The following EIF2S3 variants were observed in gnomAD, a reference collection of about 807,000 sequenced individuals.
EIF2S3 encodes the protein eukaryotic translation initiation factor 2 subunit gamma.
A neutral mutation model predicts 31.7 loss-of-function variants in EIF2S3; 2 were observed. The ratio of observed to expected loss-of-function variants is 0.06; its 90% CI spans 0.03 to 0.20. The LOEUF (loss-of-function observed/expected upper bound fraction) is 0.20, where lower values mean the gene tolerates loss of function less well. Among genes scored for constraint, EIF2S3 ranks in the 10% least tolerant of loss-of-function variants. EIF2S3 has a pLI of 1.00. For synonymous variants in EIF2S3, 120 were observed against 126.7 expected (o/e 0.95, Z 0.36); for missense variants, 96 against 359.3 (o/e 0.27, Z 5.92).
chrX:24,072,688 T>C (rs375350841), intron 10 of EIF2S3, among the ~76,000 whole-genome samples: 3 of 110,759 alleles, frequency 2.7e-5, no homozygotes, highest in South Asian at 3.8e-4. Context: ...TGCTTTTTTT[T>C]CCCCCCACTC....
At chrX:24,073,361 TGGC>T in intron 11 of EIF2S3, 98 bp downstream of exon 11, 2 of 1,024,296 alleles carry the variant, frequency 2.0e-6, no homozygotes. Flanking sequence ...ACAGTTACTG[TGGC>T]TTTCAGTCTC....
intron 7 of EIF2S3, among the ~76,000 whole-genome samples, chrX:24,065,597 G>C (rs757319860): frequency 9.0e-6 from 1 of 111,275 alleles, no homozygotes; most frequent in African/African-American, 3.3e-5. Flanking sequence ...CAGCCTCTAT[G>C]ATAGAGGGAA....
At chrX:24,057,914 A>G (rs1252292518) in intron 4 of EIF2S3, among the ~76,000 whole-genome samples, 160 bp downstream of exon 4, 3 of 112,781 alleles carry the variant, frequency 2.7e-5, no homozygotes, top group African/African-American at 9.7e-5. Context: ...AAAGTCAAGC[A>G]TCTAAACCTA....
chrX:24,061,134 G>C (rs1165674263), intron 5 of EIF2S3, among the ~76,000 whole-genome samples: 1 of 106,160 alleles, frequency 9.4e-6, no homozygotes, highest in Non-Finnish European at 1.9e-5. Flanking sequence ...GTGCGTGCCT[G>C]TAATCCCAGC....
chrX:24,066,491 A>G (rs1361153665), intron 8 of EIF2S3, among the ~76,000 whole-genome samples: 1 of 102,518 alleles, frequency 9.8e-6, no homozygotes, highest in Non-Finnish European at 1.9e-5. Context: ...ACTTCATTGC[A>G]TATATATATA....
chrX:24,071,786 C>A, intron 10 of EIF2S3, 59 bp downstream of exon 10: 1 of 1,106,207 alleles, frequency 9.0e-7, no homozygotes. Flanking sequence ...AGTGTTAAAC[C>A]AGTGTTGAGT....
chrX:24,067,919 T>C (rs761596088), intron 8 of EIF2S3, 45 bp from the exon 9 acceptor site: 2 of 1,127,513 alleles, frequency 1.8e-6, no homozygotes, highest in Non-Finnish European at 2.4e-6. Flanking sequence ...TAAATGATAA[T>C]TTTGCGTAAC....
At chrX:24,071,339 C>T (rs1193423804) in intron 9 of EIF2S3, among the ~76,000 whole-genome samples, 6 of 108,939 alleles carry the variant, frequency 5.5e-5, no homozygotes, top group Admixed American at 2.0e-4. Flanking sequence ...TACAGGTGCA[C>T]GCCGCCACGC....
At chrX:24,072,271 A>G (rs1359587779) in intron 10 of EIF2S3, among the ~76,000 whole-genome samples, 1 of 110,277 alleles carries the variant, frequency 9.1e-6, no homozygotes, top group Non-Finnish European at 1.9e-5. Flanking sequence ...TGATATTCCT[A>G]AAATCCATAT....
chrX:24,063,786 A>AC (rs1218175259), intron 6 of EIF2S3, among the ~76,000 whole-genome samples: 2 of 111,518 alleles, frequency 1.8e-5, no homozygotes, highest in Non-Finnish European at 3.8e-5. Flanking sequence ...AAAAAAAAAA[A>AC]GTATATATGC....
chrX:24,064,166 G>A (rs753304555), intron 6 of EIF2S3, 35 bp from the exon 7 acceptor site: 44 of 1,089,648 alleles, frequency 4.0e-5, no homozygotes, highest in Non-Finnish European at 5.3e-5. Context: ...TTATAAAACT[G>A]TATAATTTTG....
intron 9 of EIF2S3, among the ~76,000 whole-genome samples, chrX:24,068,573 T>C (rs1930613518): frequency 9.1e-6 from 1 of 110,193 alleles, no homozygotes; most frequent in African/African-American, 3.3e-5. Flanking sequence ...GCCTCCCGAG[T>C]AGCTGGGACT....
intron 9 of EIF2S3, among the ~76,000 whole-genome samples, chrX:24,070,439 G>GTTTTTTTTTTT (rs768908773): frequency 2.0e-5 from 1 of 50,973 alleles, no homozygotes; most frequent in Non-Finnish European, 3.2e-5. Flanking sequence ...ATCATATGTA[G>GTTTTTTTTTTT]TTTTTTTTTT....
intron 8 of EIF2S3, among the ~76,000 whole-genome samples, chrX:24,067,180 G>A (rs1197865396): frequency 5.4e-5 from 6 of 110,721 alleles, no homozygotes; most frequent in Non-Finnish European, 1.1e-4. Flanking sequence ...ACTTGCTGGG[G>A]CTACAGGCAC....
rs1166733682 is a variant in EIF2S3, at chrX:24,062,686, C to G, written c.637+112C>G. ...TATTATCTAAAACAAGGTAAACTTA[C>G]AAGTCTTAAGCCTTATCGCCCTACC... On this transcript the variant is annotated intron_variant, in intron 6 of 11. Coordinates refer to ENST00000253039, the MANE Select transcript of EIF2S3 (RefSeq NM_001415.4). 14 of 885,355 alleles carry G rather than the reference C, an allele frequency of 1.6e-5. No homozygotes were observed. In the East Asian group the frequency reaches 3.4e-4, roughly 22 times the overall value. The allele number at this position is 885,355 out of a possible 1,213,427, so 73.0% of individuals were successfully genotyped here. A position where few individuals can be genotyped will look rare whatever the true frequency, so the allele number is the denominator to read the frequency against.
intron 10 of EIF2S3, 31 bp downstream of exon 10, chrX:24,071,758 A>G: frequency 8.4e-7 from 1 of 1,191,626 alleles, no homozygotes; most frequent in Admixed American, 2.2e-5. Flanking sequence ...TCCTGTTTCT[A>G]AAAAAGTGAC....
At chrX:24,072,980 A>AT (rs971967941) in intron 10 of EIF2S3, 111 bp from the exon 11 acceptor site, 26 of 869,043 alleles carry the variant, frequency 3.0e-5, no homozygotes, top group Non-Finnish European at 3.3e-5. Context: ...TTTCTATAGA[A>AT]TTTTTTTTAT....
At chrX:24,072,932 A>G (rs1160728381) in intron 10 of EIF2S3, among the ~76,000 whole-genome samples, 159 bp from the exon 11 acceptor site, 2 of 112,177 alleles carry the variant, frequency 1.8e-5, no homozygotes, top group Non-Finnish European at 3.8e-5. Context: ...TGCCAAATAA[A>G]CTATACTATA....
intron 5 of EIF2S3, chrX:24,060,398 T>TGGTA: frequency 2.5e-6 from 1 of 403,983 alleles, no homozygotes; most frequent in East Asian, 3.9e-5. Context: ...AGAATTCTTG[T>TGGTA]GGTAGCATTT....
Sources: gnomAD v4.1 joint callset for allele counts (sites outside exome capture counted in the v4.1 genomes callset) on GRCh38, gnomAD v4.1.1 for gene constraint, MANE v1.5 for transcripts, NCBI Gene and HGNC (gene_info 2026-07-23, HGNC 2026-07-21) for gene names.